Variants in HEATR1 observed in about 807,000 individuals in gnomAD.
HEATR1 encodes HEAT repeat containing 1, also known as HEAT repeat-containing protein 1.
In HEATR1, 77 loss-of-function variants were observed where a neutral mutation model predicts 248.2. That is an observed-to-expected ratio of 0.31 (90% confidence interval 0.26 to 0.37). The LOEUF is 0.37. Ranked by LOEUF, HEATR1 falls within the 10% of genes least tolerant of loss-of-function variation. The probability of loss-of-function intolerance (pLI) is 1.00; values close to 1 mark genes in which losing one functional copy is unlikely to be tolerated. For synonymous variants in HEATR1, 897 were observed against 923.1 expected, an observed-to-expected ratio of 0.97 and a Z score of 0.51; for missense variants, 2,420 against 2,504.9, an observed-to-expected ratio of 0.97 and a Z score of 0.72.
chr1:236,576,936 T>C lies in HEATR1; in HGVS notation c.2769A>G (p.Leu923=). ...TTACGGGGCTTCCCAGGTTAATGAGTAAAGATGTCACCACTAAAATCAAAG... is the reference window on the plus strand; with the variant it reads ...TTACGGGGCTTCCCAGGTTAATGAGCAAAGATGTCACCACTAAAATCAAAG... The part of the protein sequence containing the change: ...ASISSPVVTS[L]LINLGSPVKE... Residue 923 remains leucine, a synonymous_variant, in exon 21 of 45, where the codon TTA becomes TTG. Coordinates refer to ENST00000366582, the MANE Select transcript of HEATR1 (RefSeq NM_018072.6). The C allele has an allele frequency of 6.3e-7, 1 of 1,588,826 alleles. No individual in the cohort carries two copies. Among genetic ancestry groups the C allele is most frequent in the African/African-American group, 1.4e-5 (1 of 73,556 alleles).
chr1:236,603,949 C>T lies in HEATR1; in HGVS notation c.142+5G>A. The T allele has an allele frequency of 6.3e-7, 1 of 1,586,074 alleles. No individual in the cohort carries two copies. Among genetic ancestry groups the T allele is most frequent in the Non-Finnish European group, 8.5e-7 (1 of 1,172,030 alleles). On this transcript the variant is annotated splice_donor_5th_base_variant and intron_variant, in intron 2 of 44. Transcript: ENST00000366582. ...AGAGCTTTTCTAAGTTAAAAGATGGCTCACCAATGGCGAAGGCGGTGTCCC... is the reference window on the plus strand; with the variant it reads ...AGAGCTTTTCTAAGTTAAAAGATGGTTCACCAATGGCGAAGGCGGTGTCCC...
At chr1:236,581,450 T>C (rs531118571) in intron 19 of HEATR1, 36 bp from the exon 20 acceptor site, 1 of 1,401,172 alleles carries the variant, frequency 7.1e-7, no homozygotes, top group Non-Finnish European at 9.5e-7. Context: ...CTTTTAATTC[T>C]TACTCAAATA....
intron 20 of HEATR1, among the ~76,000 whole-genome samples, chr1:236,580,519 C>CTTTTTT (rs10692063): frequency 0.48 from 63,645 of 131,286 alleles, 17,376 homozygotes; most frequent in Non-Finnish European, 0.61. Flanking sequence ...ATGTACAGCC[C>CTTTTTT]TTTTTTTTTT....
At position 236,576,353 on chromosome 1, in the gene HEATR1, G is replaced by T. The variant is rs1310174969; in HGVS notation, c.2950C>A (p.Leu984Ile). ...IQDLATLFEE[L>I]QREKKLKSHQ... ...GATTTCAGTTTCTTTTCTCTCTGTA[G>T]TTCCTCAAATAAAGTAGCCAAATCC... Residue 984 changes from leucine (L) to isoleucine (I), a missense_variant, in exon 22 of 45, where the codon CTA becomes ATA. By Grantham distance (5) the Leu-to-Ile change is conservative. Coordinates refer to ENST00000366582, the MANE Select transcript of HEATR1 (RefSeq NM_018072.6). The T allele has an allele frequency of 6.3e-7, 1 of 1,593,658 alleles. No individual in the cohort carries two copies. The highest frequency in any genetic ancestry group is 1.2e-5 in the South Asian group (1 of 86,542).
intron 14 of HEATR1, 85 bp downstream of exon 14, chr1:236,587,317 A>T: frequency 3.6e-5 from 12 of 333,572 alleles, no homozygotes; most frequent in South Asian, 8.7e-5. Context: ...TCAAAGCCTT[A>T]AAAAAAAAAA....
chr1:236,592,731 GT>G (rs1486573974), intron 9 of HEATR1, 98 bp from the exon 10 acceptor site: 11 of 569,546 alleles, frequency 1.9e-5, no homozygotes, highest in Non-Finnish European at 3.5e-5. Flanking sequence ...ATCTCTAATT[GT>G]CATACTTATA....
In HEATR1 at chr1:236,555,947, T is replaced by C. The variant is rs1662962180; in HGVS notation, c.5515-8A>G. 1 of 1,613,458 alleles carries C rather than the reference T, an allele frequency of 6.2e-7. No individual in the cohort carries two copies. The highest frequency in any genetic ancestry group is 8.5e-7 in the Non-Finnish European group (1 of 1,179,452). On this transcript the variant is annotated splice_region_variant and splice_polypyrimidine_tract_variant and intron_variant, in intron 38 of 44. Coordinates refer to ENST00000366582, the MANE Select transcript of HEATR1 (RefSeq NM_018072.6). The stretch of plus-strand genomic sequence containing the variant: ...AAACGGACCCATGTGATTCTACCAA[T>C]AACACAGGAAAGAGATGTGCCATTT...
At chr1:236,597,044 AG>A (rs778512812) in intron 5 of HEATR1, 68 bp from the exon 6 acceptor site, 72 of 1,464,190 alleles carry the variant, frequency 4.9e-5, no homozygotes, top group Non-Finnish European at 6.5e-5. Context: ...GCTTGAGGCC[AG>A]GAGTTCAAGG....
At chr1:236,553,366 C>A (rs1225763301) in intron 43 of HEATR1, among the ~76,000 whole-genome samples, 2 of 152,188 alleles carry the variant, frequency 1.3e-5, no homozygotes, top group Non-Finnish European at 2.9e-5. Flanking sequence ...TAGGGCATTG[C>A]TATTCTTTAC....
intron 13 of HEATR1, 55 bp downstream of exon 13, chr1:236,587,893 A>G (rs1558189507): frequency 8.2e-7 from 1 of 1,225,944 alleles, no homozygotes; most frequent in Non-Finnish European, 1.2e-6. Context: ...ATCAAGTGAG[A>G]AGGGCAAGGA....
At chr1:236,581,889 A>G (rs534037940) in intron 19 of HEATR1, among the ~76,000 whole-genome samples, 2 of 152,308 alleles carry the variant, frequency 1.3e-5, no homozygotes, top group East Asian at 3.9e-4. Context: ...TTAACCAATC[A>G]AAAAGACTGG....
intron 24 of HEATR1, among the ~76,000 whole-genome samples, chr1:236,573,381 A>G (rs1048034975): frequency 6.6e-6 from 1 of 152,218 alleles, no homozygotes; most frequent in Admixed American, 6.5e-5. Flanking sequence ...GATTCTTTAG[A>G]TATGGGGTGG....
chr1:236,565,792 A>C (rs545540907), intron 31 of HEATR1, 127 bp downstream of exon 31: 1 of 924,802 alleles, frequency 1.1e-6, no homozygotes, highest in East Asian at 2.6e-5. Context: ...GAAACTACAC[A>C]ATCAAATTAA....
chr1:236,591,173 C>T (rs1309198315), intron 11 of HEATR1, among the ~76,000 whole-genome samples: 1 of 152,112 alleles, frequency 6.6e-6, no homozygotes, highest in African/African-American at 2.4e-5. Flanking sequence ...TTCATGTATA[C>T]TTGTGTCTAT....
At chr1:236,584,624 A>C (rs1663837059) in intron 17 of HEATR1, among the ~76,000 whole-genome samples, 1 of 152,240 alleles carries the variant, frequency 6.6e-6, no homozygotes, top group African/African-American at 2.4e-5. Flanking sequence ...CATCTATGTA[A>C]TATTAAAATT....
At chr1:236,604,153 A>C (rs1664408975) in intron 1 of HEATR1, 26 bp from the exon 2 acceptor site, 1 of 1,506,200 alleles carries the variant, frequency 6.6e-7, no homozygotes, top group Admixed American at 2.5e-5. Context: ...CACTTTGATA[A>C]GTTTCTACGA....
chr1:236,604,309 C>G, intron 1 of HEATR1, 113 bp downstream of exon 1: 1 of 459,234 alleles, frequency 2.2e-6, no homozygotes, highest in Non-Finnish European at 3.7e-6. Context: ...GTAGCGGCGA[C>G]CGCGCCAAGG....
At chr1:236,557,140 A>G (rs768514568) in intron 37 of HEATR1, 55 bp downstream of exon 37, 6 of 1,567,080 alleles carry the variant, frequency 3.8e-6, no homozygotes, top group Non-Finnish European at 5.2e-6. Context: ...TACATTTGTG[A>G]TCTTTTACCT....
chr1:236,593,292 CCA>C (rs141087570), intron 9 of HEATR1, among the ~76,000 whole-genome samples: 3,423 of 152,140 alleles, frequency 0.022, 138 homozygotes, highest in African/African-American at 0.079. Flanking sequence ...CCCTTCTGTG[CCA>C]CAGAGTGGGG....
Sources: allele counts gnomAD v4.1 joint callset (sites outside exome capture counted in the v4.1 genomes callset), GRCh38; gene constraint gnomAD v4.1.1; transcripts MANE v1.5; gene names NCBI Gene and HGNC (gene_info 2026-07-23, HGNC 2026-07-21).